Variants in FILIP1L observed in about 807,000 individuals in gnomAD.
The protein encoded by FILIP1L is filamin A-interacting protein 1-like.
In FILIP1L, 55 loss-of-function variants were observed where a neutral mutation model predicts 96.6. That is an observed-to-expected ratio of 0.57 (90% CI 0.46 to 0.71). The LOEUF (loss-of-function observed/expected upper bound fraction) is 0.71, where lower values mean the gene tolerates loss of function less well. Ranked by LOEUF, FILIP1L falls within the 30% of genes least tolerant of loss-of-function variation. FILIP1L has a pLI of 0.00. For missense variants in FILIP1L, 1,304 were observed against 1,321.2 expected (o/e 0.99, Z 0.20); for synonymous variants, 467 against 473.9 (o/e 0.99, Z 0.19).
At chr3:99,979,067 A>T (rs929198488) in intron 1 of FILIP1L, among the ~76,000 whole-genome samples, 1 of 152,116 alleles carries the variant, frequency 6.6e-6, no homozygotes, top group African/African-American at 2.4e-5. Flanking sequence ...TTTACTGTAT[A>T]TTTTCAAATA....
At chr3:99,913,765 T>C (rs887443675) in intron 4 of FILIP1L, among the ~76,000 whole-genome samples, 3 of 152,150 alleles carry the variant, frequency 2.0e-5, no homozygotes, top group Non-Finnish European at 2.9e-5. Context: ...CAAGATATAG[T>C]GTGAAAAAGC....
chr3:99,875,243 T>C (rs993806538), intron 4 of FILIP1L, among the ~76,000 whole-genome samples: 2 of 152,216 alleles, frequency 1.3e-5, no homozygotes, highest in African/African-American at 4.8e-5. Flanking sequence ...TCAGTTATCA[T>C]ACTGTAAGAG....
In FILIP1L at chr3:99,832,862, T is replaced by G. The variant is rs933820062; in HGVS notation, c.3382-2257A>C. ...CTCAAAAAAAAAAAAAAAAAAGTTGTTTTTTTTTTTTTTCTTGTATGACTT... is the reference window on the plus strand; with the variant it reads ...CTCAAAAAAAAAAAAAAAAAAGTTGGTTTTTTTTTTTTTCTTGTATGACTT... On this transcript the variant is annotated intron_variant, in intron 5 of 5. Transcript: ENST00000477258. Among the ~76,000 whole-genome samples, 316 of 134,374 alleles carry G rather than the reference T, an allele frequency of 2.4e-3. 5 individuals are homozygous for G. The highest frequency in any genetic ancestry group is 3.9e-3 in the Non-Finnish European group (241 of 61,990). The allele number at this position is 134,374 out of a possible 152,430, so 88.2% of individuals were successfully genotyped here.
At chr3:100,041,694 A>G (rs2065207157) in intron 1 of FILIP1L, among the ~76,000 whole-genome samples, 1 of 152,230 alleles carries the variant, frequency 6.6e-6, no homozygotes, top group Non-Finnish European at 1.5e-5. Context: ...GAAGGGGGAT[A>G]AGTGCAGATA....
intron 4 of FILIP1L, among the ~76,000 whole-genome samples, chr3:99,887,161 C>T (rs959462793): frequency 8.6e-5 from 13 of 151,534 alleles, no homozygotes; most frequent in African/African-American, 1.5e-4. Context: ...CCCAGCTACT[C>T]GAGAGGCTAA....
Position 99,848,741 on chromosome 3 carries a change from C to T in FILIP1L, c.2935G>A (p.Ala979Thr), listed in dbSNP as rs1943495164. 6.2e-7 allele frequency: 1 copy of T among 1,614,000 alleles called. No homozygotes were observed. The highest frequency in any genetic ancestry group is 1.1e-5 in the South Asian group (1 of 91,086). Residue 979 changes from alanine (A) to threonine (T), a missense_variant, in exon 5 of 6, where the codon GCA becomes ACA. Ala to Thr is a moderately conservative substitution (Grantham distance 58, BLOSUM62 0). Coordinates refer to ENST00000477258, the MANE Select transcript of FILIP1L (RefSeq NM_001387850.1). ...GGGGTCTGTGCTCTGGCAAAGGTTG[C>T]CATGGTAATTGGGGACATGCCTTGT... The part of the protein sequence containing the change: ...LEQGMSPITM[A>T]TFARAQTPES...
At chr3:99,862,053 G>A (rs1345557225) in intron 4 of FILIP1L, among the ~76,000 whole-genome samples, 1 of 152,130 alleles carries the variant, frequency 6.6e-6, no homozygotes, top group Non-Finnish European at 1.5e-5. Flanking sequence ...AAGTAGGATG[G>A]TGAGTACTAA....
chr3:99,924,173 A>G (rs73858965), intron 4 of FILIP1L, 57 bp downstream of exon 4: 6 of 1,405,406 alleles, frequency 4.3e-6, no homozygotes, highest in Non-Finnish European at 6.0e-6. Context: ...GAGACCTGGT[A>G]CAGTGGCCAG....
At chr3:100,021,155 C>G (rs1170250153) in intron 1 of FILIP1L, among the ~76,000 whole-genome samples, 2 of 152,336 alleles carry the variant, frequency 1.3e-5, no homozygotes, top group East Asian at 3.9e-4. Context: ...AATTCCCCAG[C>G]TTACTGCTCT....
At chr3:100,091,296 A>AG (rs1257625898) in intron 1 of FILIP1L, among the ~76,000 whole-genome samples, 3 of 148,218 alleles carry the variant, frequency 2.0e-5, no homozygotes, top group African/African-American at 4.9e-5. Context: ...AAAAAAAAAA[A>AG]AAAAAAGAAA....
At chr3:99,957,890 A>C (rs2080548229) in intron 1 of FILIP1L, among the ~76,000 whole-genome samples, 1 of 149,528 alleles carries the variant, frequency 6.7e-6, no homozygotes, top group African/African-American at 2.5e-5. Context: ...GTCATTTTTT[A>C]GATTCAACAA....
intron 1 of FILIP1L, among the ~76,000 whole-genome samples, chr3:100,069,562 T>G (rs138808236): frequency 2.0e-5 from 3 of 152,254 alleles, no homozygotes; most frequent in Admixed American, 6.5e-5. Flanking sequence ...TGTCACAGTC[T>G]AAAAACTAGT....
intron 1 of FILIP1L, among the ~76,000 whole-genome samples, chr3:100,068,716 C>G (rs1187581673): frequency 6.6e-6 from 1 of 152,176 alleles, no homozygotes; most frequent in East Asian, 1.9e-4. Context: ...CAACCTCTAT[C>G]TCCCAGGTTC....
At chr3:100,111,065 T>C (rs1283173821) in intron 1 of FILIP1L, among the ~76,000 whole-genome samples, 2 of 152,178 alleles carry the variant, frequency 1.3e-5, no homozygotes, top group Non-Finnish European at 2.9e-5. Flanking sequence ...ACAGCCCAGT[T>C]CGCCATATTC....
chr3:99,889,871 GTTA>G (rs1312105983), intron 4 of FILIP1L, among the ~76,000 whole-genome samples: 3 of 151,798 alleles, frequency 2.0e-5, no homozygotes. Context: ...TTATATTATT[GTTA>G]TTATATATTT....
chr3:100,031,614 C>G (rs1199689942), intron 1 of FILIP1L, among the ~76,000 whole-genome samples: 3 of 152,060 alleles, frequency 2.0e-5, no homozygotes, highest in African/African-American at 7.3e-5. Context: ...TTGGCTCCTC[C>G]TGTGTTCTTT....
chr3:99,835,522 G>T (rs577213874), intron 5 of FILIP1L, among the ~76,000 whole-genome samples: 21 of 152,300 alleles, frequency 1.4e-4, no homozygotes, highest in Admixed American at 1.2e-3. Context: ...TAAGTCCTGG[G>T]TAGAATAGGA....
chr3:100,049,960 C>G (rs1230183319), intron 1 of FILIP1L, among the ~76,000 whole-genome samples: 2 of 152,120 alleles, frequency 1.3e-5, no homozygotes, highest in Admixed American at 1.3e-4. Flanking sequence ...GTCAGTGACC[C>G]TAACTTCTGA....
intron 4 of FILIP1L, among the ~76,000 whole-genome samples, chr3:99,874,909 A>G (rs1270441204): frequency 1.3e-5 from 2 of 152,204 alleles, no homozygotes; most frequent in Non-Finnish European, 2.9e-5. Context: ...GTTATCTTAT[A>G]TGGTCATTTT....
Sources: gnomAD v4.1 joint callset for allele counts (sites outside exome capture counted in the v4.1 genomes callset) on GRCh38, gnomAD v4.1.1 for gene constraint, MANE v1.5 for transcripts, NCBI Gene and HGNC (gene_info 2026-07-23, HGNC 2026-07-21) for gene names.